The following CELF2 variants were observed in gnomAD, a reference collection of about 807,000 sequenced individuals.
CELF2 encodes the protein CUG triplet repeat RNA-binding protein 2.
CELF2 carries 8 observed loss-of-function variants against 62.6 expected under a neutral mutation model. That is an observed-to-expected ratio of 0.13 (90% CI 0.07 to 0.23). The LOEUF (loss-of-function observed/expected upper bound fraction) is 0.23, where lower values mean the gene tolerates loss of function less well. Among genes scored for constraint, CELF2 ranks in the 10% least tolerant of loss-of-function variants. The pLI, the probability that CELF2 is intolerant of heterozygous loss-of-function variation, is 1.00. For synonymous variants in CELF2, 258 were observed against 250.0 expected, an observed-to-expected ratio of 1.03 and a Z score of -0.30; for missense variants, 333 against 671.0, an observed-to-expected ratio of 0.50 and a Z score of 5.56.
intron 2 of CELF2, chr10:10,960,076 A>C (rs760804944): frequency 1.3e-5 from 2 of 152,266 alleles, no homozygotes; most frequent in African/African-American, 4.8e-5. Flanking sequence ...GGGATGTCAC[A>C]GCCGGATAGT....
chr10:11,275,953 G>GA (rs1277890740), intron 8 of CELF2, among the ~76,000 whole-genome samples: 9 of 152,298 alleles, frequency 5.9e-5, no homozygotes, highest in Admixed American at 2.6e-4. Flanking sequence ...AAGGTGGGGG[G>GA]AGAGAGCAAG....
chr10:10,736,518 T>A, the CELF2 span, among the ~76,000 whole-genome samples: 2 of 152,000 alleles, frequency 1.3e-5, no homozygotes, highest in African/African-American at 4.8e-5. Context: ...ATACCCTGTA[T>A]GTTGTTATGA....
intron 8 of CELF2, among the ~76,000 whole-genome samples, chr10:11,281,801 T>C (rs887144059): frequency 2.0e-5 from 3 of 152,190 alleles, no homozygotes; most frequent in Non-Finnish European, 4.4e-5. Flanking sequence ...ACGTAGTACA[T>C]AGTTAAGTAG....
intron 2 of CELF2, among the ~76,000 whole-genome samples, chr10:10,973,824 T>G (rs2051030878): frequency 6.6e-6 from 1 of 152,094 alleles, no homozygotes; most frequent in African/African-American, 2.4e-5. Flanking sequence ...CCCTGCAGCC[T>G]CCCAAAGTGC....
intron 1 of CELF2, among the ~76,000 whole-genome samples, chr10:11,076,695 G>T (rs1413005406): frequency 1.3e-5 from 2 of 152,150 alleles, no homozygotes; most frequent in Non-Finnish European, 2.9e-5. Context: ...AAATGATGTG[G>T]ATTCATTAGG....
At chr10:11,185,729 A>G (rs773143688) in intron 2 of CELF2, among the ~76,000 whole-genome samples, 4 of 152,136 alleles carry the variant, frequency 2.6e-5, no homozygotes, top group Admixed American at 6.5e-5. Flanking sequence ...TAATGATTTT[A>G]TTGGATTCCA....
intron 7 of CELF2, among the ~76,000 whole-genome samples, chr10:11,274,304 A>G (rs1318267561): frequency 1.3e-5 from 2 of 152,146 alleles, no homozygotes; most frequent in African/African-American, 4.8e-5. Context: ...GTCCAGCAGC[A>G]CCCCAGGGGC....
chr10:10,545,503 C>CT, the CELF2 span, among the ~76,000 whole-genome samples: 1 of 152,184 alleles, frequency 6.6e-6, no homozygotes, highest in African/African-American at 2.4e-5. Context: ...AAAGATGCCC[C>CT]TTACATTAAC....
intron 2 of CELF2, among the ~76,000 whole-genome samples, chr10:11,188,191 C>T (rs899484097): frequency 6.6e-5 from 10 of 152,208 alleles, no homozygotes; most frequent in East Asian, 1.9e-4. Flanking sequence ...CCGCAACCTC[C>T]GCCTCCTGGG....
intron 2 of CELF2, among the ~76,000 whole-genome samples, chr10:10,958,486 C>A (rs1262795487): frequency 1.3e-5 from 2 of 152,186 alleles, no homozygotes; most frequent in African/African-American, 2.4e-5. Context: ...TGACAGAGGG[C>A]CTCTGAGTTG....
chr10:11,079,827 T>TCTGC (rs2073451708), intron 1 of CELF2, among the ~76,000 whole-genome samples: 1 of 150,108 alleles, frequency 6.7e-6, no homozygotes, highest in African/African-American at 2.4e-5. Flanking sequence ...TGGGTCAGCT[T>TCTGC]CTGCCATCAC....
At chr10:11,182,702 T>C (rs596406) in intron 2 of CELF2, among the ~76,000 whole-genome samples, 21,545 of 152,140 alleles carry the variant, frequency 0.14, 2,466 homozygotes, top group African/African-American at 0.32. Context: ...CTGCCCCTTT[T>C]AATTAGACAT....
the CELF2 span, chr10:10,784,554 G>A: frequency 2.0e-5 from 3 of 152,468 alleles, no homozygotes; most frequent in Non-Finnish European, 2.9e-5. Context: ...TGGCCGTCTA[G>A]CAGCTAATCT....
At chr10:11,125,895 A>AT (rs892198664) in intron 1 of CELF2, among the ~76,000 whole-genome samples, 28 of 152,036 alleles carry the variant, frequency 1.8e-4, no homozygotes, top group Admixed American at 1.8e-3. Context: ...TGTTATTAAA[A>AT]TCACAGCTTT....
At chr10:10,795,135 G>T (rs921804896), upstream of CELF2, among the ~76,000 whole-genome samples, 2 of 152,020 alleles carry the variant, frequency 1.3e-5, no homozygotes, top group African/African-American at 2.4e-5. Context: ...CCAAAGGAAG[G>T]GGGAGGGAGA....
At chr10:10,851,294 A>G (rs2059367733) in intron 1 of CELF2, among the ~76,000 whole-genome samples, 1 of 152,230 alleles carries the variant, frequency 6.6e-6, no homozygotes, top group African/African-American at 2.4e-5. Context: ...AGAAATGAAC[A>G]TTTCATTTCT....
At chr10:10,683,455 T>G in the CELF2 span, among the ~76,000 whole-genome samples, 49 of 152,206 alleles carry the variant, frequency 3.2e-4, no homozygotes, top group Non-Finnish European at 5.6e-4. Context: ...CTTTTTAATG[T>G]TTTAATCCAA....
At chr10:10,506,745 T>G in the CELF2 span, among the ~76,000 whole-genome samples, 1 of 134,772 alleles carries the variant, frequency 7.4e-6, no homozygotes, top group Non-Finnish European at 1.6e-5. Context: ...GGTGCAATCT[T>G]GGCTCACTGC....
At chr10:10,999,282 C>T (rs1213252083) in intron 2 of CELF2, among the ~76,000 whole-genome samples, 2 of 152,194 alleles carry the variant, frequency 1.3e-5, no homozygotes, top group African/African-American at 4.8e-5. Flanking sequence ...CTACCACATA[C>T]CACACGTTGT....
Sources: allele counts gnomAD v4.1 joint callset (sites outside exome capture counted in the v4.1 genomes callset), GRCh38; gene constraint gnomAD v4.1.1; transcripts MANE v1.5; gene names NCBI Gene and HGNC (gene_info 2026-07-23, HGNC 2026-07-21).